Variants in ATP8A1 observed in about 807,000 individuals in gnomAD.
ATP8A1 encodes the protein ATPase phospholipid transporting 8A1.
A neutral mutation model predicts 177.7 loss-of-function variants in ATP8A1; 90 were observed. That is an observed-to-expected ratio of 0.51 (90% CI 0.43 to 0.60). The LOEUF is 0.60. Among genes scored for constraint, ATP8A1 ranks in the 20% least tolerant of loss-of-function variants. ATP8A1 has a pLI of 0.00. For synonymous variants in ATP8A1, 493 were observed against 485.9 expected (o/e 1.01, Z -0.19); for missense variants, 1,072 against 1,392.8 (o/e 0.77, Z 3.67).
At chr4:42,480,632 G>GAAGTAGAT (rs1289329102) in intron 25 of ATP8A1, among the ~76,000 whole-genome samples, 1 of 152,178 alleles carries the variant, frequency 6.6e-6, no homozygotes, top group Non-Finnish European at 1.5e-5. Context: ...AAAGATTTAA[G>GAAGTAGAT]AAGTAGATGT....
intron 5 of ATP8A1, among the ~76,000 whole-genome samples, chr4:42,602,704 G>A (rs1735414758): frequency 1.3e-5 from 2 of 152,170 alleles, no homozygotes; most frequent in South Asian, 2.1e-4. Context: ...GCGAGGGGGA[G>A]GTTGCAGTGA....
chr4:42,581,428 C>T (rs1254043513), intron 10 of ATP8A1, among the ~76,000 whole-genome samples, 193 bp downstream of exon 10: 1 of 152,178 alleles, frequency 6.6e-6, no homozygotes, highest in African/African-American at 2.4e-5. Context: ...CCACCGCGCC[C>T]AGCCCAAGCC....
intron 25 of ATP8A1, among the ~76,000 whole-genome samples, chr4:42,469,970 G>A (rs1720212199): frequency 6.6e-6 from 1 of 152,176 alleles, no homozygotes; most frequent in African/African-American, 2.4e-5. Context: ...GTGACTCAAC[G>A]TATAATTCTG....
At chr4:42,413,073 G>C in intron 36 of ATP8A1, 60 bp from the exon 37 acceptor site, 1 of 1,392,150 alleles carries the variant, frequency 7.2e-7, no homozygotes, top group Non-Finnish European at 1.0e-6. Context: ...CCGTTATTCT[G>C]ACTTTTGGGT....
intron 22 of ATP8A1, among the ~76,000 whole-genome samples, chr4:42,517,980 G>A (rs1241994406): frequency 1.3e-5 from 2 of 152,250 alleles, no homozygotes; most frequent in East Asian, 1.9e-4. Flanking sequence ...AGTGTGCTGG[G>A]TAGTAACATA....
chr4:42,555,150 C>CTATCTAT (rs1730038686), intron 16 of ATP8A1, among the ~76,000 whole-genome samples: 1 of 103,582 alleles, frequency 9.7e-6, no homozygotes, highest in East Asian at 2.5e-4. Context: ...ATCTATCTAT[C>CTATCTAT]TATCTATCTA....
At chr4:42,566,265 A>G (rs1004246990) in intron 15 of ATP8A1, among the ~76,000 whole-genome samples, 2 of 152,232 alleles carry the variant, frequency 1.3e-5, no homozygotes, top group Admixed American at 6.5e-5. Flanking sequence ...GGGCAGTAAA[A>G]TACACATAAG....
chr4:42,555,888 G>C, intron 16 of ATP8A1, 80 bp downstream of exon 16: 1 of 901,936 alleles, frequency 1.1e-6, no homozygotes, highest in South Asian at 1.8e-5. Flanking sequence ...AGAGAAACAT[G>C]TAAACATAGA....
At chr4:42,490,509 C>T (rs529903735) in intron 24 of ATP8A1, among the ~76,000 whole-genome samples, 3 of 152,304 alleles carry the variant, frequency 2.0e-5, no homozygotes, top group South Asian at 2.1e-4. Flanking sequence ...CGGCAAACAT[C>T]GGCCTGTTTT....
intron 25 of ATP8A1, among the ~76,000 whole-genome samples, chr4:42,478,817 T>C (rs953030672): frequency 6.6e-6 from 1 of 152,196 alleles, no homozygotes; most frequent in Non-Finnish European, 1.5e-5. Flanking sequence ...AACAAATTCA[T>C]GTCCTTATTT....
chr4:42,613,434 G>A (rs767100711), intron 5 of ATP8A1, among the ~76,000 whole-genome samples: 25 of 152,074 alleles, frequency 1.6e-4, no homozygotes, highest in Admixed American at 4.6e-4. Context: ...TGCAGTATTT[G>A]CATATAACCT....
intron 15 of ATP8A1, among the ~76,000 whole-genome samples, chr4:42,568,591 C>T (rs1363449434): frequency 1.3e-5 from 2 of 152,122 alleles, no homozygotes; most frequent in Non-Finnish European, 2.9e-5. Context: ...CCATAAAACG[C>T]TAACTTTAAT....
At chr4:42,518,050 T>C (rs1401252150) in intron 22 of ATP8A1, among the ~76,000 whole-genome samples, 2 of 152,008 alleles carry the variant, frequency 1.3e-5, no homozygotes, top group Admixed American at 1.3e-4. Flanking sequence ...TTTTGGTCTA[T>C]TTGGATATTT....
At chr4:42,440,367 T>A (rs1330247306) in intron 33 of ATP8A1, among the ~76,000 whole-genome samples, 1 of 149,800 alleles carries the variant, frequency 6.7e-6, no homozygotes, top group Admixed American at 6.7e-5. Context: ...AATCTGACTA[T>A]GAGTAAATGC....
chr4:42,453,680 T>G (rs1718174911), intron 29 of ATP8A1, among the ~76,000 whole-genome samples: 1 of 152,196 alleles, frequency 6.6e-6, no homozygotes, highest in Non-Finnish European at 1.5e-5. Flanking sequence ...TCAATTTATG[T>G]TTTTAAGCAA....
At chr4:42,559,961 C>A (rs1018301982) in intron 15 of ATP8A1, among the ~76,000 whole-genome samples, 1 of 152,212 alleles carries the variant, frequency 6.6e-6, no homozygotes, top group African/African-American at 2.4e-5. Context: ...CCACCTCGGC[C>A]TCCCAAAGTG....
At chr4:42,457,553 C>A (rs1718619169) in intron 27 of ATP8A1, among the ~76,000 whole-genome samples, 1 of 152,200 alleles carries the variant, frequency 6.6e-6, no homozygotes. Context: ...GCTCTGCATA[C>A]CAAATTCGTC....
rs538601585 is a variant in ATP8A1 at position 42,537,368 on chromosome 4, C to T, written c.1722+6549G>A. Among the ~76,000 whole-genome samples, 128 of 150,900 alleles carry T rather than the reference C, an allele frequency of 8.5e-4. 2 individuals are homozygous for T. The South Asian group carries it at 0.024, about 28-fold the overall frequency. On this transcript the variant is annotated intron_variant, in intron 20 of 36. Coordinates refer to ENST00000381668, the MANE Select transcript of ATP8A1 (RefSeq NM_006095.2). ...CCCGAGAACTGGAACAAGACAAAGA[C>T]GCCCACTTTCACCACTTTTATTCAA...
intron 15 of ATP8A1, among the ~76,000 whole-genome samples, chr4:42,560,119 G>GA (rs763377484): frequency 6.6e-6 from 1 of 152,150 alleles, no homozygotes; most frequent in Non-Finnish European, 1.5e-5. Context: ...TATGGAATAT[G>GA]AAAAAATCTC....
Sources: allele counts gnomAD v4.1 joint callset (sites outside exome capture counted in the v4.1 genomes callset), GRCh38; gene constraint gnomAD v4.1.1; transcripts MANE v1.5; gene names NCBI Gene and HGNC (gene_info 2026-07-23, HGNC 2026-07-21).